Variants in TEX29 observed in about 807,000 individuals in gnomAD.
TEX29 encodes testis expressed 29.
In TEX29, 26 loss-of-function variants were observed where a neutral mutation model predicts 18.2. That is an observed-to-expected ratio of 1.43 (90% CI 1.04 to 1.98). The LOEUF (loss-of-function observed/expected upper bound fraction) is 1.98, where lower values mean the gene tolerates loss of function less well. TEX29 is among the 30% of genes most tolerant of loss of function. The pLI is 0.00. For missense variants in TEX29, 177 were observed against 194.2 expected, an observed-to-expected ratio of 0.91 and a Z score of 0.53; for synonymous variants, 83 against 78.5, an observed-to-expected ratio of 1.06 and a Z score of -0.31.
intron 4 of TEX29, among the ~76,000 whole-genome samples, chr13:111,340,175 A>C (rs867274874): frequency 5.8e-4 from 85 of 145,818 alleles, no homozygotes; most frequent in African/African-American, 1.6e-3. Flanking sequence ...TGTTGATGAA[A>C]ATCATAACCC....
chr13:111,325,858 A>G (rs988856325), intron 2 of TEX29, among the ~76,000 whole-genome samples: 1 of 152,256 alleles, frequency 6.6e-6, no homozygotes, highest in African/African-American at 2.4e-5. Context: ...TATGAATAAA[A>G]ATAATGCTTC....
At position 111,320,964 on chromosome 13, in the gene TEX29, GCC is replaced by G; in HGVS notation, c.58+17_58+18del. 1.4e-6 allele frequency: 2 copies of G among 1,440,016 alleles called. No individual in the cohort carries two copies. Among genetic ancestry groups the G allele is most frequent in the Non-Finnish European group, 1.9e-6 (2 of 1,051,240 alleles). The allele number at this position is 1,440,016 out of a possible 1,614,324, so 89.2% of individuals were successfully genotyped here. On this transcript the variant is annotated intron_variant, in intron 2 of 5. Coordinates refer to ENST00000283547, the MANE Select transcript of TEX29 (RefSeq NM_152324.3). The stretch of plus-strand genomic sequence containing the variant: ...CAATTCACAGGTATGGAGGGAAGGC[GCC>G]AGGGGGGCGGGTGGGGTGGGGGAGC...
chr13:111,334,335 C>T (rs972962831), intron 3 of TEX29, among the ~76,000 whole-genome samples: 15 of 152,210 alleles, frequency 9.9e-5, no homozygotes, highest in African/African-American at 3.4e-4. Flanking sequence ...AAAAAGTCTT[C>T]TTGGGTAGCT....
intron 2 of TEX29, among the ~76,000 whole-genome samples, chr13:111,325,078 A>G (rs1277783423): frequency 1.3e-5 from 2 of 152,110 alleles, no homozygotes; most frequent in Non-Finnish European, 2.9e-5. Flanking sequence ...ACGGGCCCCC[A>G]TCTCACCTGG....
chr13:111,339,577 A>G (rs923647641), intron 3 of TEX29: 12 of 533,408 alleles, frequency 2.2e-5, no homozygotes, highest in Admixed American at 6.3e-5. Flanking sequence ...CCGTCTCTCC[A>G]TGCACTCCCG....
At chr13:111,324,111 G>T (rs1350524982) in intron 2 of TEX29, among the ~76,000 whole-genome samples, 2 of 152,206 alleles carry the variant, frequency 1.3e-5, no homozygotes, top group Admixed American at 6.5e-5. Flanking sequence ...GGTCCTGGGG[G>T]TGCTGGTGGC....
At chr13:111,318,810 A>G (rs1304740315), upstream of TEX29, among the ~76,000 whole-genome samples, 1 of 152,234 alleles carries the variant, frequency 6.6e-6, no homozygotes, top group Non-Finnish European at 1.5e-5. Flanking sequence ...AGGTCCTCAG[A>G]GGGTGAAACA....
rs772642401 is a variant in TEX29 at position 111,320,864 on chromosome 13, C to T, written c.-27C>T. 32 of 1,613,344 alleles carry T rather than the reference C, an allele frequency of 2.0e-5. No individual in the cohort carries two copies. Among genetic ancestry groups the T allele is most frequent in the East Asian group, 2.2e-5 (1 of 44,870 alleles). On this transcript the variant is annotated 5_prime_UTR_variant, in exon 2 of 6. Transcript: ENST00000283547. ...ACCTCTCCTGTTTTCCAGGTGTGCT[C>T]GGCCCCTTCATCTGTCAGCTGCAGC...
chr13:111,326,897 T>C (rs879260867), intron 2 of TEX29, among the ~76,000 whole-genome samples: 4 of 152,144 alleles, frequency 2.6e-5, no homozygotes, highest in Non-Finnish European at 5.9e-5. Context: ...CTGGATGCCC[T>C]GGGAGCAAAG....
chr13:111,323,555 G>T (rs1323900817), intron 2 of TEX29, among the ~76,000 whole-genome samples: 2 of 152,226 alleles, frequency 1.3e-5, no homozygotes, highest in East Asian at 3.9e-4. Context: ...ATGAAAGAGT[G>T]GGGACTCGAA....
rs1299159053 is a variant in TEX29, at chr13:111,327,685, C to T, written c.59-498C>T. On this transcript the variant is annotated intron_variant, in intron 2 of 5. Coordinates refer to ENST00000283547, the MANE Select transcript of TEX29 (RefSeq NM_152324.3). ...CCTGCTTCCTTTACCTCCCACGGCG[C>T]GCCGCACACTCATTGTCTTCCCTTT... is the stretch of plus-strand genomic sequence containing the variant. Among the ~76,000 whole-genome samples, 6 of 152,198 alleles carry T rather than the reference C, an allele frequency of 3.9e-5. No individual in the cohort carries two copies. The East Asian group carries it at 5.8e-4, about 15-fold the overall frequency.
At chr13:111,316,969 G>A (rs956352545), upstream of TEX29, among the ~76,000 whole-genome samples, 2 of 152,058 alleles carry the variant, frequency 1.3e-5, no homozygotes, top group African/African-American at 4.8e-5. Context: ...TGTATCATGA[G>A]AACTCACTAT....
upstream of TEX29, among the ~76,000 whole-genome samples, chr13:111,316,751 T>A (rs1001563569): frequency 1.3e-5 from 2 of 152,224 alleles, no homozygotes; most frequent in Non-Finnish European, 2.9e-5. Context: ...AATTTCTTTC[T>A]TACTGTATGA....
At chr13:111,317,167 A>G (rs1163403326), upstream of TEX29, among the ~76,000 whole-genome samples, 1 of 152,032 alleles carries the variant, frequency 6.6e-6, no homozygotes, top group Non-Finnish European at 1.5e-5. Context: ...GCTGGCATCT[A>G]GTAGCTGGGA....
chr13:111,322,348 G>T (rs1056076315), intron 2 of TEX29, among the ~76,000 whole-genome samples: 1 of 10,218 alleles, frequency 9.8e-5, no homozygotes, highest in Non-Finnish European at 0.014. Context: ...TCATATTCTG[G>T]CAAGATGGCC....
At position 111,320,703 on chromosome 13, in the gene TEX29, G is replaced by C. The variant is rs11841171; in HGVS notation, c.-94G>C. The C allele has an allele frequency of 2.5e-5, 17 of 680,298 alleles. No homozygotes were observed. In the East Asian group the frequency reaches 4.4e-4, roughly 17 times the overall value. The allele number at this position is 680,298 out of a possible 1,614,324, so 42.1% of individuals were successfully genotyped here. On this transcript the variant is annotated 5_prime_UTR_variant, in exon 1 of 6. Transcript: ENST00000283547. ...GTTTTACCTAAAAGGTGTTTTCCAC[G>C]TGGAGTGGGACTGAGAGGCACAGGT...
In TEX29 at chr13:111,339,883, G is replaced by A. The variant is rs1374776189; in HGVS notation, c.190G>A (p.Ala64Thr). Residue 64 changes from alanine to threonine, a missense_variant, in exon 4 of 6, where the codon GCC becomes ACC. Physicochemically the swap from Ala to Thr is moderately conservative, Grantham distance 58. Transcript: ENST00000283547. ...TTCAGTTTACATCCACGTGTTCTCT[G>A]CCTTGATTGTGATCATCGCTGGGGC... is the stretch of plus-strand genomic sequence containing the variant. ...AVPIYIHVFS[A>T]LIVIIAGAFV... The A allele has an allele frequency of 6.2e-7, 1 of 1,612,382 alleles. No homozygotes were observed. The highest frequency in any genetic ancestry group is 1.3e-5 in the African/African-American group (1 of 74,526).
chr13:111,336,788 G>A (rs192048541), intron 3 of TEX29, among the ~76,000 whole-genome samples: 110 of 152,332 alleles, frequency 7.2e-4, no homozygotes, highest in Non-Finnish European at 1.4e-3. Context: ...CAAAGATATG[G>A]TCTGTAATAA....
chr13:111,327,926 G>A (rs1290641147), intron 2 of TEX29, among the ~76,000 whole-genome samples: 2 of 152,228 alleles, frequency 1.3e-5, no homozygotes, highest in Admixed American at 6.5e-5. Flanking sequence ...GCTGCTGCGC[G>A]GAAATGTATT....
Sources: allele counts gnomAD v4.1 joint callset (sites outside exome capture counted in the v4.1 genomes callset), GRCh38; gene constraint gnomAD v4.1.1; transcripts MANE v1.5; gene names NCBI Gene and HGNC (gene_info 2026-07-23, HGNC 2026-07-21).